DCUN1D5: variants seen among roughly 807,000 people sequenced by gnomAD.
DCUN1D5 encodes DCN1-like protein 5.
DCUN1D5 carries 10 observed loss-of-function variants against 38.3 expected under a neutral mutation model. That is an observed-to-expected ratio of 0.26 (90% CI 0.16 to 0.44). DCUN1D5 has a LOEUF of 0.44. DCUN1D5 is among the 20% of genes least tolerant of loss of function. The pLI, the probability that DCUN1D5 is intolerant of heterozygous loss-of-function variation, is 1.00. For missense variants in DCUN1D5, 148 were observed against 275.3 expected (o/e 0.54, Z 3.27); for synonymous variants, 93 against 90.9 (o/e 1.02, Z -0.13).
Position 103,072,328 on chromosome 11 carries a change from G to GGATCTAGAACTAGATCTAGATCTA in DCUN1D5, c.342-5785_342-5762dup, listed in dbSNP as rs764632778. Among the ~76,000 whole-genome samples, 852 of 136,328 alleles carry GGATCTAGAACTAGATCTAGATCTA rather than the reference G, an allele frequency of 6.2e-3. 14 individuals carry two copies. The highest frequency in any genetic ancestry group is 0.024 in the African/African-American group (781 of 32,202). The allele number at this position is 136,328 out of a possible 152,430, so 89.4% of individuals were successfully genotyped here. On this transcript the variant is annotated intron_variant, in intron 4 of 7. Transcript: ENST00000260247. ...GGAAGACAGTGTGGTGATTCCTCAA[G>GGATCTAGAACTAGATCTAGATCTA]GATCTAGAACTAGATCTAGATCTAG...
At chr11:103,088,510 C>T (rs1470851485) in intron 2 of DCUN1D5, among the ~76,000 whole-genome samples, 3 of 152,176 alleles carry the variant, frequency 2.0e-5, no homozygotes, top group Non-Finnish European at 4.4e-5. Flanking sequence ...TAAAACACAA[C>T]CCCATCCTGG....
In DCUN1D5 at chr11:103,066,338, A is replaced by G. The variant is rs1373216121; in HGVS notation, c.486T>C (p.Ala162=). 1 of 1,611,868 alleles carries G rather than the reference A, an allele frequency of 6.2e-7. No homozygotes were observed. Among genetic ancestry groups the G allele is most frequent in the African/African-American group, 1.3e-5 (1 of 74,762 alleles). ...KDQRSLDIDT[A]KSMLALLLGR... is the part of the protein sequence containing the mutation. ...CAAGCAGAAGAGCTAACATAGATTTAGCAGTATCAATATCAAGGCTTCTCT... is the reference window on the plus strand; with the variant it reads ...CAAGCAGAAGAGCTAACATAGATTTGGCAGTATCAATATCAAGGCTTCTCT... Residue 162 remains alanine (A), a synonymous_variant, in exon 6 of 8, where the codon GCT becomes GCC. Coordinates refer to ENST00000260247, the MANE Select transcript of DCUN1D5 (RefSeq NM_032299.4). This position sits in a 1 kb window ranked among gnomAD's most constrained non-coding sequence, Gnocchi z 4.7.
At position 103,066,014 on chromosome 11, in the gene DCUN1D5, T is replaced by TGA. The variant is rs2134604440; in HGVS notation, c.555+253_555+254dup. Among the ~76,000 whole-genome samples, 1 of 152,122 alleles carries TGA rather than the reference T, an allele frequency of 6.6e-6. No individual in the cohort carries two copies. The highest frequency in any genetic ancestry group is 1.5e-5 in the Non-Finnish European group (1 of 67,954). Reference sequence around the variant, plus strand: ...ACTAATTCTGCAAGACAAATGTCTGTGATACAATGTATTTCTTGGAGGTTT... The same window carrying TGA: ...ACTAATTCTGCAAGACAAATGTCTGTGAGATACAATGTATTTCTTGGAGGTTT... On this transcript the variant is annotated intron_variant, in intron 6 of 7. Transcript: ENST00000260247. This position sits in a 1 kb window ranked among gnomAD's most constrained non-coding sequence, Gnocchi z 4.7.
chr11:103,055,929 G>A lies in DCUN1D5; in HGVS notation c.*6430C>T, dbSNP rs1341985615. 6.6e-6 allele frequency: 1 copy of A among 152,160 alleles called. No homozygotes were observed. Among genetic ancestry groups the A allele is most frequent in the Non-Finnish European group, 1.5e-5 (1 of 68,018 alleles). The allele number at this position is 152,160 out of a possible 1,614,324, so 9.4% of individuals were successfully genotyped here. On this transcript the variant is annotated 3_prime_UTR_variant, in exon 8 of 8. Coordinates refer to ENST00000260247, the MANE Select transcript of DCUN1D5 (RefSeq NM_032299.4). ...ACTCTCAATCTACCCGCTTAAGCCT[G>A]CTCCTCTGAGTCTTCGCCATCTTAT...
Position 103,091,686 on chromosome 11 carries a change from G to C in DCUN1D5, c.86+101C>G. ...TAGCTCGATCAAAGGGGCCTCACCT[G>C]TCTCCAGCCCCAGCCCGGCAGGCCG... On this transcript the variant is annotated intron_variant, in intron 1 of 7. Transcript: ENST00000260247. The surrounding 1 kb of genome is among the most constrained non-coding windows in gnomAD (Gnocchi z 4.3). The C allele has an allele frequency of 6.2e-7, 1 of 1,605,898 alleles. No homozygotes were observed. The highest frequency in any genetic ancestry group is 8.5e-7 in the Non-Finnish European group (1 of 1,176,280).
rs1862100328 is a variant in DCUN1D5 at position 103,065,008 on chromosome 11, T to C, written c.556-631A>G. Reference sequence around the variant, plus strand: ...CTTCTCAGCTCCCCATAGAGCTGAATATTTTTACATTCAGTTAAATTTATT... The same window carrying C: ...CTTCTCAGCTCCCCATAGAGCTGAACATTTTTACATTCAGTTAAATTTATT... On this transcript the variant is annotated intron_variant, in intron 6 of 7. Coordinates refer to ENST00000260247, the MANE Select transcript of DCUN1D5 (RefSeq NM_032299.4). The surrounding 1 kb of genome is among the most constrained non-coding windows in gnomAD (Gnocchi z 4.6). 2.0e-5 allele frequency among the ~76,000 whole-genome samples: 3 copies of C among 152,210 alleles called. No homozygotes were observed. In the South Asian group the frequency reaches 6.2e-4, roughly 31 times the overall value.
In DCUN1D5 at chr11:103,091,718, ACTCCTTTTC is replaced by A; in HGVS notation, c.86+60_86+68del. 1 of 1,610,446 alleles carries A rather than the reference ACTCCTTTTC, an allele frequency of 6.2e-7. No individual in the cohort carries two copies. The highest frequency in any genetic ancestry group is 8.5e-7 in the Non-Finnish European group (1 of 1,178,562). ...GCCCCAGCCCGGCAGGCCGGGCCCGACTCCTTTTCCTCCAGTTGTCCAGCAAAGGAGGGA... is the reference window on the plus strand; with the variant it reads ...GCCCCAGCCCGGCAGGCCGGGCCCGACTCCAGTTGTCCAGCAAAGGAGGGA... On this transcript the variant is annotated intron_variant, in intron 1 of 7. Transcript: ENST00000260247. The surrounding 1 kb of genome is among the most constrained non-coding windows in gnomAD (Gnocchi z 4.3).
In DCUN1D5 at chr11:103,077,069, G is replaced by T. The variant is rs543065716; in HGVS notation, c.341+5679C>A. Among the ~76,000 whole-genome samples, 69 of 152,180 alleles carry T rather than the reference G, an allele frequency of 4.5e-4. No homozygotes were observed. Among genetic ancestry groups the T allele is most frequent in the Non-Finnish European group, 7.2e-4 (49 of 67,998 alleles). ...AAAAAAATTAGCTGGGTGTGGTGGCGGGTGCCTGTAGTCCCAGCTACTCAG... is the reference window on the plus strand; with the variant it reads ...AAAAAAATTAGCTGGGTGTGGTGGCTGGTGCCTGTAGTCCCAGCTACTCAG... On this transcript the variant is annotated intron_variant, in intron 4 of 7. Coordinates refer to ENST00000260247, the MANE Select transcript of DCUN1D5 (RefSeq NM_032299.4). The surrounding 1 kb of genome is among the most constrained non-coding windows in gnomAD (Gnocchi z 4.3).
At position 103,057,926 on chromosome 11, in the gene DCUN1D5, G is replaced by A. The variant is rs1471079574; in HGVS notation, c.*4433C>T. On this transcript the variant is annotated 3_prime_UTR_variant, in exon 8 of 8. Transcript: ENST00000260247. This position sits in a 1 kb window ranked among gnomAD's most constrained non-coding sequence, Gnocchi z 4.8. ...TCATTAATATCTTAAAGCTCAGAAA[G>A]CCAAAAACACCCCAGAAGGATAAAA... is the stretch of plus-strand genomic sequence containing the variant. Among the ~76,000 whole-genome samples, 4 of 152,050 alleles carry A rather than the reference G, an allele frequency of 2.6e-5. No homozygotes were observed. The highest frequency in any genetic ancestry group is 4.4e-5 in the Non-Finnish European group (3 of 68,012).
Position 103,055,592 on chromosome 11 carries a change from T to C in DCUN1D5, c.*6767A>G, listed in dbSNP as rs1002248141. On this transcript the variant is annotated 3_prime_UTR_variant, in exon 8 of 8. Coordinates refer to ENST00000260247, the MANE Select transcript of DCUN1D5 (RefSeq NM_032299.4). The stretch of plus-strand genomic sequence containing the variant: ...AAATCTTAGTGCTTCTACAACACTA[T>C]AGAAAGTAATGGTTTGTATATGTGT... 1 of 152,096 alleles carries C rather than the reference T, an allele frequency of 6.6e-6. No individual in the cohort carries two copies. The allele number at this position is 152,096 out of a possible 1,614,324, so 9.4% of individuals were successfully genotyped here.
Position 103,052,395 on chromosome 11 carries a change from G to A in DCUN1D5, c.*9964C>T, listed in dbSNP as rs563907098. The A allele has an allele frequency of 5.9e-5, 9 of 152,284 alleles. No individual in the cohort carries two copies. The highest frequency in any genetic ancestry group is 5.8e-4 in the East Asian group (3 of 5,182). 9.4% of individuals were successfully genotyped at this position (152,284 alleles called of 1,614,324 possible). On this transcript the variant is annotated 3_prime_UTR_variant, in exon 8 of 8. Transcript: ENST00000260247. ...TTGCAGTCTAGGATCAAAGAGAGAC[G>A]TGAATTTTTTCATTCATTAAATACC...
intron 4 of DCUN1D5, among the ~76,000 whole-genome samples, chr11:103,079,547 A>G (rs1400371609): frequency 6.6e-6 from 1 of 152,132 alleles, no homozygotes; most frequent in Non-Finnish European, 1.5e-5. Flanking sequence ...CCTGGGCAAC[A>G]TAGTGAGACA....
At chr11:103,085,283 C>T (rs953836215) in intron 2 of DCUN1D5, among the ~76,000 whole-genome samples, 1 of 152,050 alleles carries the variant, frequency 6.6e-6, no homozygotes, top group Non-Finnish European at 1.5e-5. Context: ...ACTAAAACTA[C>T]AAAAATTAGC....
chr11:103,088,132 C>A (rs1210782726), intron 2 of DCUN1D5, among the ~76,000 whole-genome samples: 1 of 150,212 alleles, frequency 6.7e-6, no homozygotes, highest in East Asian at 1.9e-4. Flanking sequence ...AAAGTTACTG[C>A]CCCCCTTTCA....
At chr11:103,084,476 T>A (rs1386716781) in intron 2 of DCUN1D5, among the ~76,000 whole-genome samples, 1 of 152,208 alleles carries the variant, frequency 6.6e-6, no homozygotes, top group Non-Finnish European at 1.5e-5. Flanking sequence ...TTAAGTGTTA[T>A]TAGGTTTAAA....
intron 2 of DCUN1D5, among the ~76,000 whole-genome samples, chr11:103,084,479 G>C (rs1322367511): frequency 6.6e-6 from 1 of 152,092 alleles, no homozygotes; most frequent in East Asian, 1.9e-4. Context: ...AGTGTTATTA[G>C]GTTTAAATAA....
chr11:103,086,522 C>T lies in DCUN1D5; in HGVS notation c.178+2705G>A, dbSNP rs553889311. Among the ~76,000 whole-genome samples the T allele has an allele frequency of 6.6e-6, 1 of 152,326 alleles. No homozygotes were observed. Among genetic ancestry groups the T allele is most frequent in the East Asian group, 1.9e-4 (1 of 5,192 alleles). The stretch of plus-strand genomic sequence containing the variant: ...CACAGAGAGGCCTTCCCTAATCACT[C>T]TATCTGAAAGTCCATCTAACCCTTC... On this transcript the variant is annotated intron_variant, in intron 2 of 7. Transcript: ENST00000260247. The surrounding 1 kb of genome is among the most constrained non-coding windows in gnomAD (Gnocchi z 4.1).
rs191093964 is a variant in DCUN1D5, at chr11:103,089,879, A to T, written c.87-561T>A. 2.1e-3 allele frequency among the ~76,000 whole-genome samples: 313 copies of T among 152,296 alleles called. 1 individual carries two copies. Among genetic ancestry groups the T allele is most frequent in the Non-Finnish European group, 3.6e-3 (248 of 67,984 alleles). Reference sequence around the variant, plus strand: ...AACAACAAAAAAACACTAAAAGTTAATAATAGTCCAAATAATTGGGACAAG... The same window carrying T: ...AACAACAAAAAAACACTAAAAGTTATTAATAGTCCAAATAATTGGGACAAG... On this transcript the variant is annotated intron_variant, in intron 1 of 7. Coordinates refer to ENST00000260247, the MANE Select transcript of DCUN1D5 (RefSeq NM_032299.4).
Position 103,091,867 on chromosome 11 carries a change from C to G in DCUN1D5, c.6G>C (p.Pro2=). Residue 2 remains proline, a synonymous_variant, in exon 1 of 8, where the codon CCG becomes CCC. Transcript: ENST00000260247. This position sits in a 1 kb window ranked among gnomAD's most constrained non-coding sequence, Gnocchi z 4.3. M[P]VKKKRKSPGV... The stretch of plus-strand genomic sequence containing the variant: ...CAGGGGATTTTCTCTTCTTCTTCAC[C>G]GGCATCTTCCGCCCTCCCCGGCAGG... 6.2e-7 allele frequency: 1 copy of G among 1,613,252 alleles called. No homozygotes were observed. The highest frequency in any genetic ancestry group is 8.5e-7 in the Non-Finnish European group (1 of 1,179,572).
Sources: allele counts gnomAD v4.1 joint callset (sites outside exome capture counted in the v4.1 genomes callset), GRCh38; gene constraint gnomAD v4.1.1; non-coding constraint Gnocchi (gnomAD v3.1); transcripts MANE v1.5; gene names NCBI Gene and HGNC (gene_info 2026-07-23, HGNC 2026-07-21).